BBS4: variants seen among roughly 807,000 people sequenced by gnomAD.
The protein encoded by BBS4 is BBSome complex member BBS4.
BBS4 carries 58 observed loss-of-function variants against 71.4 expected under a neutral mutation model. That is an observed-to-expected ratio of 0.81 (90% CI 0.66 to 1.01). The LOEUF (loss-of-function observed/expected upper bound fraction) is 1.01, where lower values mean the gene tolerates loss of function less well. Ranked by LOEUF, BBS4 falls within the 50% of genes least tolerant of loss-of-function variation. The pLI is 0.00. For missense variants in BBS4, 660 were observed against 607.9 expected (o/e 1.09, Z -0.90); for synonymous variants, 228 against 216.8 (o/e 1.05, Z -0.46).
chr15:72,699,382 C>T (rs965101081), intron 2 of BBS4, among the ~76,000 whole-genome samples: 5 of 152,098 alleles, frequency 3.3e-5, no homozygotes, highest in African/African-American at 1.2e-4. Context: ...CCGTGCTTGG[C>T]CCAATTCTGT....
chr15:72,720,147 T>C (rs1257913705), intron 6 of BBS4, among the ~76,000 whole-genome samples: 1 of 151,930 alleles, frequency 6.6e-6, no homozygotes, highest in Non-Finnish European at 1.5e-5. Flanking sequence ...CTTTTATTAA[T>C]AGCCCTTACC....
intron 6 of BBS4, among the ~76,000 whole-genome samples, chr15:72,719,262 A>ATTTT (rs1437458213): frequency 1.0e-5 from 1 of 95,516 alleles, no homozygotes; most frequent in African/African-American, 3.1e-5. Context: ...TTACTTTCTA[A>ATTTT]ATTTTTTTTT....
chr15:72,735,163 G>C lies in BBS4; in HGVS notation c.1087G>C (p.Glu363Gln). Residue 363 changes from glutamate to glutamine, a missense_variant, in exon 13 of 16, where the codon GAA becomes CAA. By Grantham distance (29) the Glu-to-Gln change is conservative. Coordinates refer to ENST00000268057, the MANE Select transcript of BBS4 (RefSeq NM_033028.5). ...AGAAAATGCCAAGAGAGCCTACGCAGAAGCAGTCCACCTGGATAAGTATGC... is the reference window on the plus strand; with the variant it reads ...AGAAAATGCCAAGAGAGCCTACGCACAAGCAGTCCACCTGGATAAGTATGC... The part of the protein sequence containing the change: ...DIENAKRAYA[E>Q]AVHLDKCNPL... The C allele has an allele frequency of 2.5e-6, 4 of 1,613,734 alleles. No homozygotes were observed. The highest frequency in any genetic ancestry group is 3.4e-6 in the Non-Finnish European group (4 of 1,179,720).
chr15:72,713,353 ACACG>A (rs142809859), intron 4 of BBS4, among the ~76,000 whole-genome samples: 18,314 of 151,002 alleles, frequency 0.12, 1,885 homozygotes, highest in East Asian at 0.53. Context: ...ACACACACGC[ACACG>A]CACGCACGCA....
intron 2 of BBS4, among the ~76,000 whole-genome samples, chr15:72,702,387 A>G (rs898841176): frequency 1.3e-5 from 2 of 152,074 alleles, no homozygotes; most frequent in African/African-American, 4.8e-5. Flanking sequence ...GAATTGCATA[A>G]CTCACTGGCC....
At chr15:72,704,567 GATA>G (rs2065230333) in intron 2 of BBS4, 1 of 686,374 alleles carries the variant, frequency 1.5e-6, no homozygotes, top group Non-Finnish European at 2.2e-6. Flanking sequence ...ATGATAAGTA[GATA>G]ATAATGGTAA....
chr15:72,703,634 C>G (rs913574381), intron 2 of BBS4, among the ~76,000 whole-genome samples: 2 of 152,230 alleles, frequency 1.3e-5, no homozygotes, highest in East Asian at 1.9e-4. Context: ...ATAACTTGCC[C>G]TAGGCCCCAT....
intron 10 of BBS4, 126 bp from the exon 11 acceptor site, chr15:72,731,178 TC>T: frequency 9.2e-7 from 1 of 1,085,256 alleles, no homozygotes; most frequent in Admixed American, 2.0e-5. Flanking sequence ...TATATTTATG[TC>T]CCTGGAAGAA....
At chr15:72,706,673 G>A (rs927681881) in intron 2 of BBS4, among the ~76,000 whole-genome samples, 2 of 152,146 alleles carry the variant, frequency 1.3e-5, no homozygotes, top group Admixed American at 1.3e-4. Flanking sequence ...CTAAGAAAAT[G>A]TGTGTAGTCA....
intron 15 of BBS4, 149 bp downstream of exon 15, chr15:72,737,112 C>A (rs1450410430): frequency 5.1e-6 from 5 of 973,896 alleles, no homozygotes; most frequent in Non-Finnish European, 7.9e-6. Context: ...CACAGGGTGG[C>A]TAAATTGGCA....
At chr15:72,723,757 A>G (rs2065617341) in intron 7 of BBS4, among the ~76,000 whole-genome samples, 1 of 152,230 alleles carries the variant, frequency 6.6e-6, no homozygotes, top group South Asian at 2.1e-4. Context: ...AGATGGATCT[A>G]TAGTTTTATA....
chr15:72,726,627 A>C (rs1387139124), intron 8 of BBS4, among the ~76,000 whole-genome samples: 1 of 152,152 alleles, frequency 6.6e-6, no homozygotes, highest in Non-Finnish European at 1.5e-5. Context: ...CTGCTTTCTG[A>C]ATTTTCTTCA....
chr15:72,686,310 G>A (rs1479264980), intron 1 of BBS4, 59 bp downstream of exon 1: 1 of 1,550,570 alleles, frequency 6.4e-7, no homozygotes, highest in Non-Finnish European at 8.7e-7. Flanking sequence ...CTGGCGGGTG[G>A]CTTTTGTCCC....
In BBS4 at chr15:72,686,391, C is replaced by T. The variant is rs1316310054; in HGVS notation, c.24+140C>T. ...CAGGGTGGGCGGGGCGACACGGTCC[C>T]CTTTTTACTGTCCCGGGAACTGGTC... On this transcript the variant is annotated intron_variant, in intron 1 of 15. Transcript: ENST00000268057. 6.5e-6 allele frequency: 10 copies of T among 1,536,536 alleles called. No individual in the cohort carries two copies. In the East Asian group the frequency reaches 7.3e-5, roughly 11 times the overall value.
intron 4 of BBS4, among the ~76,000 whole-genome samples, chr15:72,714,340 C>T (rs35749921): frequency 6.6e-6 from 1 of 151,738 alleles, no homozygotes; most frequent in African/African-American, 2.4e-5. Flanking sequence ...ATCCTCCTGC[C>T]TCAGCCCCCC....
At chr15:72,696,425 G>C (rs1179900502) in intron 2 of BBS4, among the ~76,000 whole-genome samples, 1 of 152,082 alleles carries the variant, frequency 6.6e-6, no homozygotes, top group Non-Finnish European at 1.5e-5. Context: ...AATGAAACTA[G>C]CCATGTAACC....
chr15:72,699,841 G>C (rs2065139395), intron 2 of BBS4, among the ~76,000 whole-genome samples: 1 of 152,188 alleles, frequency 6.6e-6, no homozygotes, highest in Non-Finnish European at 1.5e-5. Context: ...AAAAAATGCT[G>C]TTTAGTATTC....
chr15:72,711,260 GC>G (rs1249622980), intron 3 of BBS4, among the ~76,000 whole-genome samples: 1 of 151,676 alleles, frequency 6.6e-6, no homozygotes, highest in Admixed American at 6.6e-5. Context: ...CGATTGTCCT[GC>G]CTCAGCCTCC....
chr15:72,711,004 T>C (rs1224084687), intron 3 of BBS4, among the ~76,000 whole-genome samples: 1 of 150,608 alleles, frequency 6.6e-6, no homozygotes, highest in African/African-American at 2.4e-5. Flanking sequence ...AGTTTCACCA[T>C]GTTGGTCAGG....
Sources: allele counts gnomAD v4.1 joint callset (sites outside exome capture counted in the v4.1 genomes callset), GRCh38; gene constraint gnomAD v4.1.1; transcripts MANE v1.5; gene names NCBI Gene and HGNC (gene_info 2026-07-23, HGNC 2026-07-21).